Variants in APOB observed in about 807,000 individuals in gnomAD.
APOB encodes apolipoprotein B-100.
APOB carries 153 observed loss-of-function variants against 314.1 expected under a neutral mutation model. That is an observed-to-expected ratio of 0.49 (90% CI 0.43 to 0.56). The LOEUF (loss-of-function observed/expected upper bound fraction) is 0.56, where lower values mean the gene tolerates loss of function less well. Among genes scored for constraint, APOB ranks in the 20% least tolerant of loss-of-function variants. The pLI, the probability that APOB is intolerant of heterozygous loss-of-function variation, is 0.00. For missense variants in APOB, 5,430 were observed against 5,350.7 expected, an observed-to-expected ratio of 1.01 and a Z score of -0.46; for synonymous variants, 2,087 against 2,036.4, an observed-to-expected ratio of 1.02 and a Z score of -0.67.
rs757130933 is a variant in APOB, at chr2:21,008,241, T to C, written c.8627A>G (p.Lys2876Arg). 3 of 1,613,994 alleles carry C rather than the reference T, an allele frequency of 1.9e-6. No homozygotes were observed. The highest frequency in any genetic ancestry group is 3.3e-5 in the Admixed American group (2 of 60,008). ...TLELSNGVIV[K>R]INNQLTLDSN... ...ATCCAGGGTAAGCTGATTGTTTATC[T>C]TGACAATCACTCCATTACTAAGCTC... Residue 2876 changes from lysine to arginine, a missense_variant, in exon 26 of 29, where the codon AAG becomes AGG. Around this residue, in one of 3 missense-constraint regions of APOB, gnomAD observed 3,281 missense variants for 3,171.0 expected, o/e 1.03. Coordinates refer to ENST00000233242, the MANE Select transcript of APOB (RefSeq NM_000384.3).
rs779326198 is a variant in APOB at position 21,029,890 on chromosome 2, G to A, written c.1470+8C>T. On this transcript the variant is annotated splice_region_variant and intron_variant, in intron 11 of 28. Coordinates refer to ENST00000233242, the MANE Select transcript of APOB (RefSeq NM_000384.3). ...AATGATGTATGTCATATAAAAGACT[G>A]AGATTACCCGCAGAATCAAATAGGT... is the stretch of plus-strand genomic sequence containing the variant. 3.7e-6 allele frequency: 6 copies of A among 1,609,932 alleles called. No homozygotes were observed. In the Admixed American group the frequency reaches 1.0e-4, roughly 27 times the overall value.
rs1232943044 is a variant in APOB, at chr2:21,007,222, AT to A, written c.9645del (p.Leu3216Ter). On this transcript the variant is annotated frameshift_variant, in exon 26 of 29. Coordinates refer to ENST00000233242, the MANE Select transcript of APOB (RefSeq NM_000384.3). LOFTEE classifies it high-confidence loss of function. ...DRHFEKNRNN[A>X]LDFVTKSYNE... ...TTATAGGATTTGGTGACAAAATCTA[AT>A]GCATTGTTTCTGTTTTTTTCAAAAT... 4 of 1,613,666 alleles carry A rather than the reference AT, an allele frequency of 2.5e-6. No homozygotes were observed.
At position 21,010,096 on chromosome 2, in the gene APOB, T is replaced by C. The variant is rs201519465; in HGVS notation, c.6772A>G (p.Ile2258Val). The C allele has an allele frequency of 6.2e-7, 1 of 1,613,252 alleles. No individual in the cohort carries two copies. Among genetic ancestry groups the C allele is most frequent in the African/African-American group, 1.3e-5 (1 of 75,044 alleles). Reference protein sequence around the residue: ...WIQNVDTKYQIRIQIQEKLQQ... With the variant: ...WIQNVDTKYQVRIQIQEKLQQ... The stretch of plus-strand genomic sequence containing the variant: ...AGTTTTTCTTGTATCTGGATTCTGA[T>C]TTGGTACTTAGTATCCACATTTTGA... The change falls in exon 26 of 29, where the codon ATC becomes GTC. Residue 2258 changes from isoleucine (I) to valine (V), a missense_variant. Coordinates refer to ENST00000233242, the MANE Select transcript of APOB (RefSeq NM_000384.3).
At chr2:21,017,537 C>A (rs1663508979) in intron 20 of APOB, among the ~76,000 whole-genome samples, 1 of 152,096 alleles carries the variant, frequency 6.6e-6, no homozygotes. Context: ...ACATTCCAGG[C>A]AGAAGGTCAG....
At chr2:21,033,106 A>G (rs1237776820) in intron 9 of APOB, among the ~76,000 whole-genome samples, 193 bp downstream of exon 9, 3 of 152,204 alleles carry the variant, frequency 2.0e-5, no homozygotes, top group African/African-American at 4.8e-5. Context: ...TGAACACAGT[A>G]TGCGCGTGTG....
In APOB at chr2:21,032,355, T is replaced by G; in HGVS notation, c.1351A>C (p.Asn451His). ...GAGAAATACAGTGTGGAAACTCACT[T>G]GTTGACCGCGTGGCTCAGCGCATAC... is the stretch of plus-strand genomic sequence containing the variant. ...TLYALSHAVNNYHKTNPTGTQ... is the reference protein window; with the variant it reads ...TLYALSHAVNHYHKTNPTGTQ... The change falls in exon 10 of 29, where the codon AAC (asparagine) becomes CAC (histidine). Residue 451 changes from asparagine to histidine, a missense_variant and splice_region_variant. By Grantham distance (68) the Asn-to-His change is moderately conservative. This residue lies in a region of APOB where 2,085 missense variants were observed against 2,079.7 expected (regional missense o/e 1.00). Coordinates refer to ENST00000233242, the MANE Select transcript of APOB (RefSeq NM_000384.3). 6.2e-7 allele frequency: 1 copy of G among 1,612,508 alleles called. No homozygotes were observed. The highest frequency in any genetic ancestry group is 8.5e-7 in the Non-Finnish European group (1 of 1,179,900).
intron 18 of APOB, among the ~76,000 whole-genome samples, chr2:21,022,246 G>A (rs528490383): frequency 2.0e-5 from 3 of 152,276 alleles, no homozygotes; most frequent in African/African-American, 7.2e-5. Context: ...AGGATTACAG[G>A]CATGAACCAC....
Position 21,013,041 on chromosome 2 carries a change from C to T in APOB, c.4216+119G>A, listed in dbSNP as rs1294289506. 2.4e-6 allele frequency: 3 copies of T among 1,236,582 alleles called. No individual in the cohort carries two copies. In the South Asian group the frequency reaches 3.9e-5, roughly 16 times the overall value. 76.6% of individuals were successfully genotyped at this position (1,236,582 alleles called of 1,614,324 possible). A position where few individuals can be genotyped will look rare whatever the true frequency, so the allele number is the denominator to read the frequency against. ...TTTGTTGAATAAAATAAAAGACTTC[C>T]AAGTAGCAAGGAAGATTATCTGCTA... On this transcript the variant is annotated intron_variant, in intron 25 of 28. Coordinates refer to ENST00000233242, the MANE Select transcript of APOB (RefSeq NM_000384.3).
intron 24 of APOB, 138 bp from the exon 25 acceptor site, chr2:21,013,671 G>T: frequency 8.2e-7 from 1 of 1,225,920 alleles, no homozygotes; most frequent in Non-Finnish European, 1.2e-6. Flanking sequence ...CTACTCCTAT[G>T]CCTGGACCCC....
rs747345046 is a variant in APOB at position 21,010,031 on chromosome 2, C to T, written c.6837G>A (p.Gln2279=). 6.2e-7 allele frequency: 1 copy of T among 1,613,646 alleles called. No individual in the cohort carries two copies. Residue 2279 remains glutamine, a synonymous_variant, in exon 26 of 29, where the codon CAG becomes CAA. Coordinates refer to ENST00000233242, the MANE Select transcript of APOB (RefSeq NM_000384.3). ...GTTGTTTTAACTTTCCAGCTAGGTGCTGGATGTCTATATTCTGTATGTGTC... is the reference window on the plus strand; with the variant it reads ...GTTGTTTTAACTTTCCAGCTAGGTGTTGGATGTCTATATTCTGTATGTGTC... ...LKRHIQNIDI[Q]HLAGKLKQHI...
Position 21,011,753 on chromosome 2 carries a change from G to A in APOB, c.5115C>T (p.Leu1705=). ...AAGCACTTCCCAGTGATAGCTCTGT[G>A]AGGGCGGCTTTCCCATCCAGACTGA... ...AKFSLDGKAA[L]TELSLGSAYQ... Residue 1705 remains leucine (L), a synonymous_variant, in exon 26 of 29, where the codon CTC becomes CTT. Transcript: ENST00000233242. 1 of 1,614,146 alleles carries A rather than the reference G, an allele frequency of 6.2e-7. No homozygotes were observed. Among genetic ancestry groups the A allele is most frequent in the African/African-American group, 1.3e-5 (1 of 75,024 alleles).
At position 21,002,445 on chromosome 2, in the gene APOB, A is replaced by T. The variant is rs763668912; in HGVS notation, c.12977T>A (p.Ile4326Asn). 12 of 1,601,602 alleles carry T rather than the reference A, an allele frequency of 7.5e-6. No homozygotes were observed. The Admixed American group carries it at 2.0e-4, about 27-fold the overall frequency. ...QLKEMKFTYL[I>N]NYIQDEINTI... ...GTTGATCTCATCTTGGATATAATTA[A>T]TAAGATAAGTAAATTTCATCTCTTT... The change falls in exon 29 of 29, where the codon ATT becomes AAT. Residue 4326 changes from isoleucine to asparagine, a missense_variant. This residue lies in a region of APOB where 3,281 missense variants were observed against 3,171.0 expected (regional missense o/e 1.03). Transcript: ENST00000233242.
At chr2:21,034,214 C>T (rs542554305) in intron 8 of APOB, among the ~76,000 whole-genome samples, 84 of 152,234 alleles carry the variant, frequency 5.5e-4, no homozygotes, top group African/African-American at 1.8e-3. Context: ...TTATTTTCCC[C>T]CCTCTAATAT....
In APOB at chr2:21,032,455, C is replaced by G. The variant is rs1248243388; in HGVS notation, c.1251G>C (p.Leu417=). Residue 417 remains leucine, a synonymous_variant, in exon 10 of 29, where the codon CTG becomes CTC. Transcript: ENST00000233242. ...GCTGCTGTGCTGAGGGCTCGGGGATCAGGGCCACCAGGTAGGTGACCACAT... is the reference window on the plus strand; with the variant it reads ...GCTGCTGTGCTGAGGGCTCGGGGATGAGGGCCACCAGGTAGGTGACCACAT... ...LIDVVTYLVA[L]IPEPSAQQLR... is the part of the protein sequence containing the mutation. The G allele has an allele frequency of 6.2e-6, 10 of 1,614,060 alleles. No individual in the cohort carries two copies. The highest frequency in any genetic ancestry group is 8.5e-6 in the Non-Finnish European group (10 of 1,180,040).
chr2:21,033,370 C>G lies in APOB; in HGVS notation c.1053G>C (p.Leu351=). The G allele has an allele frequency of 6.2e-7, 1 of 1,614,166 alleles. No homozygotes were observed. The highest frequency in any genetic ancestry group is 8.5e-7 in the Non-Finnish European group (1 of 1,180,022). ...CACTGAGGCCTCTCAGCTCAGTAACCAGCTTATTGAAGAGATTAGCTCTCT... is the reference window on the plus strand; with the variant it reads ...CACTGAGGCCTCTCAGCTCAGTAACGAGCTTATTGAAGAGATTAGCTCTCT... ...NIQRANLFNK[L]VTELRGLSDE... is the part of the protein sequence containing the mutation. The change falls in exon 9 of 29, where the codon CTG becomes CTC. Residue 351 remains leucine, a synonymous_variant. Transcript: ENST00000233242.
intron 20 of APOB, among the ~76,000 whole-genome samples, chr2:21,017,656 C>T (rs1414954520): frequency 6.6e-6 from 1 of 152,190 alleles, no homozygotes; most frequent in African/African-American, 2.4e-5. Context: ...ACTTTCTACC[C>T]AAGATGCCTG....
chr2:21,012,609 A>G lies in APOB; in HGVS notation c.4259T>C (p.Leu1420Pro). The G allele has an allele frequency of 6.2e-7, 1 of 1,610,508 alleles. No homozygotes were observed. Among genetic ancestry groups the G allele is most frequent in the East Asian group, 2.2e-5 (1 of 44,870 alleles). The change falls in exon 26 of 29, where the codon CTA (leucine) becomes CCA (proline). Residue 1420 changes from leucine to proline, a missense_variant. By Grantham distance (98) the Leu-to-Pro change is moderately conservative. Transcript: ENST00000233242. ...TTYDHKNTFT[L>P]SCDGSLRHKF... is the part of the protein sequence containing the mutation. ...GTGGCGTAGAGACCCATCACATGAT[A>G]GTGTGAACGTATTCTTGTGGTCATA...
Position 21,016,614 on chromosome 2 carries a change from A to T in APOB, c.3157T>A (p.Tyr1053Asn). The change falls in exon 21 of 29, where the codon TAT becomes AAT. Residue 1053 changes from tyrosine to asparagine, a missense_variant. Around this residue, in one of 3 missense-constraint regions of APOB, gnomAD observed 2,085 missense variants for 2,079.7 expected, o/e 1.00. Coordinates refer to ENST00000233242, the MANE Select transcript of APOB (RefSeq NM_000384.3). ...KQTEATMTFK[Y>N]NRQSMTLSSE... ...GACAAGGTCATACTCTGCCGATTAT[A>T]TTTGAATGTCATGGTAGCCTCAGTC... 1.2e-6 allele frequency: 2 copies of T among 1,611,808 alleles called. No individual in the cohort carries two copies. Among genetic ancestry groups the T allele is most frequent in the Non-Finnish European group, 1.7e-6 (2 of 1,177,912 alleles).
rs550775162 is a variant in APOB, at chr2:21,023,108, C to G, written c.2605-66G>C. 6 of 1,407,302 alleles carry G rather than the reference C, an allele frequency of 4.3e-6. No individual in the cohort carries two copies. The African/African-American group carries it at 5.6e-5, about 13-fold the overall frequency. The allele number at this position is 1,407,302 out of a possible 1,614,324, so 87.2% of individuals were successfully genotyped here. ...TTCAGTCCCCTGTCAGTCAGATCAACCACCCTTTCTCACCTCCGGGCAAAG... is the reference window on the plus strand; with the variant it reads ...TTCAGTCCCCTGTCAGTCAGATCAAGCACCCTTTCTCACCTCCGGGCAAAG... On this transcript the variant is annotated intron_variant, in intron 17 of 28. Coordinates refer to ENST00000233242, the MANE Select transcript of APOB (RefSeq NM_000384.3).
Sources: allele counts gnomAD v4.1 joint callset (sites outside exome capture counted in the v4.1 genomes callset), GRCh38; gene constraint gnomAD v4.1.1; regional missense constraint gnomAD v4.1.1; transcripts MANE v1.5; gene names NCBI Gene and HGNC (gene_info 2026-07-23, HGNC 2026-07-21).